ELMO1: variants seen among roughly 807,000 people sequenced by gnomAD.
ELMO1 encodes engulfment and cell motility protein 1.
A neutral mutation model predicts 98.9 loss-of-function variants in ELMO1; 26 were observed. The ratio of observed to expected loss-of-function variants is 0.26; its 90% CI spans 0.19 to 0.36. The LOEUF is 0.36. Among genes scored for constraint, ELMO1 ranks in the 10% least tolerant of loss-of-function variants. The pLI, the probability that ELMO1 is intolerant of heterozygous loss-of-function variation, is 1.00. For synonymous variants in ELMO1, 346 were observed against 346.0 expected (o/e 1.00, Z 0.00); for missense variants, 627 against 935.2 (o/e 0.67, Z 4.30).
chr7:36,994,831 G>C (rs1442167760), intron 16 of ELMO1, among the ~76,000 whole-genome samples: 2 of 152,194 alleles, frequency 1.3e-5, no homozygotes, highest in Admixed American at 6.5e-5. Context: ...AAGCCTGAAG[G>C]GCTTTTGATC....
intron 4 of ELMO1, among the ~76,000 whole-genome samples, chr7:37,274,714 G>A (rs184338471): frequency 1.9e-4 from 29 of 152,058 alleles, no homozygotes; most frequent in Non-Finnish European, 3.2e-4. Context: ...CACCAAGCCC[G>A]GCTAATTTTT....
At chr7:37,258,537 A>ATAGTCTCCATCAATTTCTGGAAGGCAAGC (rs1442808556) in intron 6 of ELMO1, among the ~76,000 whole-genome samples, 2 of 152,180 alleles carry the variant, frequency 1.3e-5, no homozygotes, top group East Asian at 3.9e-4. Flanking sequence ...TGCCCATATG[A>ATAGTCTCCATCAATTTCTGGAAGGCAAGC]TAGTCTCCAT....
At chr7:37,421,956 C>T (rs1224706786) in intron 1 of ELMO1, among the ~76,000 whole-genome samples, 2 of 152,148 alleles carry the variant, frequency 1.3e-5, no homozygotes, top group African/African-American at 4.8e-5. Context: ...AGGAAGCCAA[C>T]CTATCCTCCC....
intron 16 of ELMO1, among the ~76,000 whole-genome samples, chr7:36,973,823 G>A (rs1368284838): frequency 6.6e-6 from 1 of 152,202 alleles, no homozygotes; most frequent in African/African-American, 2.4e-5. Flanking sequence ...TGGTCTTGGC[G>A]GCCCGCACTC....
intron 16 of ELMO1, among the ~76,000 whole-genome samples, chr7:37,011,625 A>C (rs1305334828): frequency 3.9e-5 from 6 of 152,210 alleles, no homozygotes. Flanking sequence ...CAGAAAGCAG[A>C]CATCTGATGC....
intron 14 of ELMO1, among the ~76,000 whole-genome samples, chr7:37,098,157 C>T (rs1784460420): frequency 6.6e-6 from 1 of 152,170 alleles, no homozygotes; most frequent in Non-Finnish European, 1.5e-5. Flanking sequence ...TACAATGATG[C>T]TGTGCAGTGA....
At position 37,107,916 on chromosome 7, in the gene ELMO1, C is replaced by T. The variant is rs563341031; in HGVS notation, c.1192-11189G>A. ...AGAAATTCACTCTGGTTTGGGAGAA[C>T]GGACTTGAGAAGATGGAAAGGTGAG... is the stretch of plus-strand genomic sequence containing the variant. On this transcript the variant is annotated intron_variant, in intron 14 of 21. Coordinates refer to ENST00000310758, the MANE Select transcript of ELMO1 (RefSeq NM_014800.11). Among the ~76,000 whole-genome samples the T allele has an allele frequency of 3.9e-5, 6 of 152,272 alleles. 1 individual carries two copies. The highest frequency in any genetic ancestry group is 1.3e-4 in the Admixed American group (2 of 15,304).
intron 4 of ELMO1, among the ~76,000 whole-genome samples, chr7:37,313,515 G>A (rs1287189520): frequency 1.3e-5 from 2 of 152,112 alleles, no homozygotes; most frequent in Non-Finnish European, 2.9e-5. Flanking sequence ...GTGAGCCACC[G>A]CACCTGGCCC....
intron 15 of ELMO1, among the ~76,000 whole-genome samples, chr7:37,064,775 C>T (rs562130359): frequency 6.6e-6 from 1 of 152,278 alleles, no homozygotes; most frequent in African/African-American, 2.4e-5. Flanking sequence ...TAGGCTCCAT[C>T]AGTGTCTCCT....
chr7:37,291,041 G>C (rs937264989), intron 4 of ELMO1, among the ~76,000 whole-genome samples: 5 of 151,984 alleles, frequency 3.3e-5, no homozygotes, highest in African/African-American at 1.2e-4. Context: ...ACAAAATAGA[G>C]AGCCACAGAA....
chr7:37,296,571 C>A (rs1798037758), intron 4 of ELMO1, among the ~76,000 whole-genome samples: 1 of 152,204 alleles, frequency 6.6e-6, no homozygotes, highest in Non-Finnish European at 1.5e-5. Context: ...CTCTTATTCA[C>A]AGACCCAGAT....
intron 13 of ELMO1, chr7:37,197,011 C>T (rs965475118): frequency 6.6e-6 from 1 of 152,214 alleles, no homozygotes; most frequent in African/African-American, 2.4e-5. Context: ...ATGATAGATT[C>T]TCAGCAGTCT....
chr7:36,859,360 AG>A (rs1366399187), intron 21 of ELMO1, among the ~76,000 whole-genome samples: 2 of 152,238 alleles, frequency 1.3e-5, no homozygotes, highest in Admixed American at 6.5e-5. Flanking sequence ...AAATGCATAC[AG>A]GAACATTTAT....
intron 13 of ELMO1, among the ~76,000 whole-genome samples, chr7:37,172,023 G>A (rs1358837698): frequency 6.6e-6 from 1 of 152,142 alleles, no homozygotes; most frequent in Non-Finnish European, 1.5e-5. Flanking sequence ...TCATTTGGAA[G>A]AACATAGTTT....
At chr7:37,232,265 A>C (rs1345670246) in intron 8 of ELMO1, among the ~76,000 whole-genome samples, 1 of 152,230 alleles carries the variant, frequency 6.6e-6, no homozygotes, top group African/African-American at 2.4e-5. Flanking sequence ...ATACTTATAA[A>C]ATAAAGTTAT....
intron 16 of ELMO1, among the ~76,000 whole-genome samples, chr7:36,944,619 A>G (rs1041623804): frequency 2.0e-5 from 3 of 152,214 alleles, no homozygotes; most frequent in African/African-American, 4.8e-5. Context: ...CTCTTCCCCA[A>G]TGAGGAGATC....
At chr7:37,191,843 G>A (rs1044715407) in intron 13 of ELMO1, among the ~76,000 whole-genome samples, 81 of 152,300 alleles carry the variant, frequency 5.3e-4, no homozygotes, top group African/African-American at 1.6e-3. Context: ...CCATGAACCC[G>A]GGAGAAGGAG....
chr7:36,862,776 T>C (rs947405746), intron 20 of ELMO1, among the ~76,000 whole-genome samples: 2 of 152,188 alleles, frequency 1.3e-5, no homozygotes, highest in African/African-American at 4.8e-5. Flanking sequence ...TCTCCCCTCC[T>C]GTGATCTGTG....
At chr7:37,097,682 T>C (rs1162225677) in intron 14 of ELMO1, among the ~76,000 whole-genome samples, 1 of 152,164 alleles carries the variant, frequency 6.6e-6, no homozygotes, top group Non-Finnish European at 1.5e-5. Context: ...TCAACTATGC[T>C]GACGGTGCCC....
Sources: gnomAD v4.1 joint callset for allele counts (sites outside exome capture counted in the v4.1 genomes callset) on GRCh38, gnomAD v4.1.1 for gene constraint, MANE v1.5 for transcripts, NCBI Gene and HGNC (gene_info 2026-07-23, HGNC 2026-07-21) for gene names.